Variants in DLG5 observed in about 807,000 individuals in gnomAD.
The protein encoded by DLG5 is discs large MAGUK scaffold protein 5, also known as disks large homolog 5.
DLG5 carries 48 observed loss-of-function variants against 189.8 expected under a neutral mutation model. That is an observed-to-expected ratio of 0.25 (90% CI 0.20 to 0.32). The LOEUF is 0.32. Ranked by LOEUF, DLG5 falls within the 10% of genes least tolerant of loss-of-function variation. DLG5 has a pLI of 1.00. For synonymous variants in DLG5, 1,016 were observed against 1,054.1 expected (o/e 0.96, Z 0.70); for missense variants, 2,160 against 2,544.7 (o/e 0.85, Z 3.25).
chr10:77,937,865 A>G, the DLG5 span, among the ~76,000 whole-genome samples: 427 of 136,182 alleles, frequency 3.1e-3, 1 homozygote, highest in African/African-American at 0.011. Context: ...TTACAGGTGC[A>G]CTCAGCTAAT....
intron 1 of DLG5, among the ~76,000 whole-genome samples, chr10:77,883,044 T>C (rs1845330782): frequency 6.6e-6 from 1 of 152,146 alleles, no homozygotes. Flanking sequence ...CTGACTTTCA[T>C]TACTATGGGT....
Position 77,829,355 on chromosome 10 carries a change from C to T in DLG5, c.2185G>A (p.Asp729Asn). ...TCTGCCATGTTCACAGGCCCGCTACCTTTCTGTCCACTGAGGTTGATGTGC... is the reference window on the plus strand; with the variant it reads ...TCTGCCATGTTCACAGGCCCGCTACTTTTCTGTCCACTGAGGTTGATGTGC... ...PLHINLSGQK[D>N]SGISLENGVY... Residue 729 changes from aspartate (D) to asparagine (N), a missense_variant and splice_region_variant, in exon 12 of 32, where the codon GAC (aspartate) becomes AAC (asparagine). This residue lies in a region of DLG5 where 107 missense variants were observed against 214.5 expected (regional missense o/e 0.50). Transcript: ENST00000372391. 6.2e-7 allele frequency: 1 copy of T among 1,613,792 alleles called. No individual in the cohort carries two copies. Among genetic ancestry groups the T allele is most frequent in the African/African-American group, 1.3e-5 (1 of 75,060 alleles).
At chr10:77,919,208 T>C (rs1846461260) in intron 1 of DLG5, among the ~76,000 whole-genome samples, 1 of 151,870 alleles carries the variant, frequency 6.6e-6, no homozygotes, top group Admixed American at 6.6e-5. Flanking sequence ...AGAGCAAGGC[T>C]CCATCTCAAA....
chr10:77,886,470 C>T (rs1845444804), intron 1 of DLG5, among the ~76,000 whole-genome samples: 1 of 151,628 alleles, frequency 6.6e-6, no homozygotes, highest in South Asian at 2.1e-4. Flanking sequence ...AGGTTCGCCT[C>T]AACCTCCCGA....
At chr10:77,833,131 T>C (rs1842956282) in intron 9 of DLG5, among the ~76,000 whole-genome samples, 1 of 152,036 alleles carries the variant, frequency 6.6e-6, no homozygotes, top group South Asian at 2.1e-4. Flanking sequence ...TAGATTTGGG[T>C]TTTAGACCAC....
rs565368026 is a variant in DLG5, at chr10:77,820,356, A to AG, written c.3403-339_3403-338insC. On this transcript the variant is annotated intron_variant, in intron 15 of 31. Transcript: ENST00000372391. Reference sequence around the variant, plus strand: ...GTGAGACTCCATCTTAGGGGAAAAAAAAAAAAAAAACCAAACAGTGGAACG... The same window carrying AG: ...GTGAGACTCCATCTTAGGGGAAAAAAGAAAAAAAAAACCAAACAGTGGAACG... 3.4e-4 allele frequency: 66 copies of AG among 192,822 alleles called. 1 individual carries two copies. The East Asian group carries it at 5.8e-3, about 17-fold the overall frequency. 11.9% of individuals were successfully genotyped at this position (192,822 alleles called of 1,614,324 possible).
chr10:77,851,629 T>C (rs1248689), intron 5 of DLG5, among the ~76,000 whole-genome samples: 38,677 of 152,052 alleles, frequency 0.25, 5,490 homozygotes, highest in Admixed American at 0.39. Context: ...AGAGGGCACA[T>C]AAAAAATACT....
At chr10:77,819,849 G>A (rs746319424) in intron 16 of DLG5, 46 bp downstream of exon 16, 15 of 1,512,046 alleles carry the variant, frequency 9.9e-6, no homozygotes, top group South Asian at 4.0e-5. Flanking sequence ...TAGGCATCCC[G>A]AGTTTACACC....
At chr10:77,902,375 C>T (rs1435706716) in intron 1 of DLG5, among the ~76,000 whole-genome samples, 2 of 152,218 alleles carry the variant, frequency 1.3e-5, no homozygotes. Flanking sequence ...TCAAAGTCCA[C>T]ACCCTTTGAC....
At chr10:77,910,591 C>A (rs919151231) in intron 1 of DLG5, among the ~76,000 whole-genome samples, 1 of 152,158 alleles carries the variant, frequency 6.6e-6, no homozygotes, top group Non-Finnish European at 1.5e-5. Context: ...TGGGAAGAGA[C>A]CTGTTTCTCA....
intron 1 of DLG5, among the ~76,000 whole-genome samples, chr10:77,899,827 A>C (rs1845871721): frequency 6.6e-6 from 1 of 152,226 alleles, no homozygotes; most frequent in South Asian, 2.1e-4. Flanking sequence ...AACCAGAAAG[A>C]GACCATGAAA....
intron 1 of DLG5, among the ~76,000 whole-genome samples, chr10:77,886,681 T>C (rs894053887): frequency 1.3e-5 from 2 of 152,120 alleles, no homozygotes; most frequent in African/African-American, 4.8e-5. Flanking sequence ...TGGGCTGAAG[T>C]GTATTCCCCC....
At chr10:77,903,206 T>G (rs1286924239) in intron 1 of DLG5, among the ~76,000 whole-genome samples, 1 of 152,006 alleles carries the variant, frequency 6.6e-6, no homozygotes, top group Admixed American at 6.5e-5. Flanking sequence ...GGCAGGCGGA[T>G]TGCTTGAGGT....
In DLG5 at chr10:77,812,077, G is replaced by T; in HGVS notation, c.4189-20C>A. 1 of 1,607,556 alleles carries T rather than the reference G, an allele frequency of 6.2e-7. No homozygotes were observed. The highest frequency in any genetic ancestry group is 8.5e-7 in the Non-Finnish European group (1 of 1,179,626). ...GTTGAACTGGGGAAACACCAGGATGGGCTCAGTGGGGGGGTCGGGGCTGTG... is the reference window on the plus strand; with the variant it reads ...GTTGAACTGGGGAAACACCAGGATGTGCTCAGTGGGGGGGTCGGGGCTGTG... On this transcript the variant is annotated intron_variant, in intron 21 of 31. Transcript: ENST00000372391.
Position 77,796,256 on chromosome 10 carries a change from G to T in DLG5, c.5309-68C>A. On this transcript the variant is annotated intron_variant, in intron 28 of 31. Coordinates refer to ENST00000372391, the MANE Select transcript of DLG5 (RefSeq NM_004747.4). This position sits in a 1 kb window ranked among gnomAD's most constrained non-coding sequence, Gnocchi z 5.2. ...CTGAGCCCCAGCAGAGGGAGCAGGGGAAGAACACTGCTCAGCAGCTGTCAG... is the reference window on the plus strand; with the variant it reads ...CTGAGCCCCAGCAGAGGGAGCAGGGTAAGAACACTGCTCAGCAGCTGTCAG... 6.2e-7 allele frequency: 1 copy of T among 1,608,962 alleles called. No homozygotes were observed. Among genetic ancestry groups the T allele is most frequent in the South Asian group, 1.1e-5 (1 of 90,892 alleles).
In DLG5 at chr10:77,890,164, T is replaced by A. The variant is rs1001232566; in HGVS notation, c.305-20967A>T. On this transcript the variant is annotated intron_variant, in intron 1 of 31. Coordinates refer to ENST00000372391, the MANE Select transcript of DLG5 (RefSeq NM_004747.4). ...GAGGCAGATTGGGGCCAAAAACCTA[T>A]AGACAACAGCTAGCAGGATTTACCA... Among the ~76,000 whole-genome samples, 17 of 152,232 alleles carry A rather than the reference T, an allele frequency of 1.1e-4. 1 individual carries two copies. The highest frequency in any genetic ancestry group is 3.4e-3 in the Middle Eastern group (1 of 292).
chr10:77,821,258 T>C lies in DLG5; in HGVS notation c.3226A>G (p.Ser1076Gly). Reference sequence around the variant, plus strand: ...TCCCCATCTCCTTCAGGGTAGTAGCTGGAAGCAATGCGGACCCTGGCCTTG... The same window carrying C: ...TCCCCATCTCCTTCAGGGTAGTAGCCGGAAGCAATGCGGACCCTGGCCTTG... ...PRKARVRIAS[S>G]YYPEGDGDSS... The change falls in exon 15 of 32, where the codon AGC becomes GGC. Residue 1076 changes from serine (S) to glycine (G), a missense_variant. Ser to Gly is a moderately conservative substitution (Grantham distance 56). Coordinates refer to ENST00000372391, the MANE Select transcript of DLG5 (RefSeq NM_004747.4). The C allele has an allele frequency of 1.2e-6, 2 of 1,613,916 alleles. No individual in the cohort carries two copies. The highest frequency in any genetic ancestry group is 1.7e-6 in the Non-Finnish European group (2 of 1,180,038).
chr10:77,815,669 A>T (rs975062492), intron 20 of DLG5, among the ~76,000 whole-genome samples: 3 of 152,178 alleles, frequency 2.0e-5, no homozygotes, highest in African/African-American at 7.2e-5. Flanking sequence ...CTCAAAAAAA[A>T]ATATGTTTTC....
intron 27 of DLG5, among the ~76,000 whole-genome samples, chr10:77,801,095 A>T (rs74140338): frequency 0.01 from 1,580 of 152,336 alleles, 27 homozygotes; most frequent in African/African-American, 0.036. Flanking sequence ...ATCTCAATAA[A>T]CAATAACTAG....
Sources: allele counts gnomAD v4.1 joint callset (sites outside exome capture counted in the v4.1 genomes callset), GRCh38; gene constraint gnomAD v4.1.1; regional missense constraint gnomAD v4.1.1; non-coding constraint Gnocchi (gnomAD v3.1); transcripts MANE v1.5; gene names NCBI Gene and HGNC (gene_info 2026-07-23, HGNC 2026-07-21).